Variants in ERGIC1 observed in about 807,000 individuals in gnomAD.
ERGIC1 encodes the protein endoplasmic reticulum-golgi intermediate compartment 1.
A neutral mutation model predicts 38.3 loss-of-function variants in ERGIC1; 19 were observed. That is an observed-to-expected ratio of 0.50 (90% CI 0.35 to 0.73). The LOEUF (loss-of-function observed/expected upper bound fraction) is 0.73. Among genes scored for constraint, ERGIC1 ranks in the 30% least tolerant of loss-of-function variants. The pLI is 0.01. For synonymous variants in ERGIC1, 124 were observed against 157.6 expected, an observed-to-expected ratio of 0.79 and a Z score of 1.60; for missense variants, 294 against 389.2, an observed-to-expected ratio of 0.76 and a Z score of 2.06.
At chr5:172,895,021 A>T (rs900464971) in intron 2 of ERGIC1, among the ~76,000 whole-genome samples, 1 of 152,254 alleles carries the variant, frequency 6.6e-6, no homozygotes, top group Non-Finnish European at 1.5e-5. Context: ...AATAATAGAG[A>T]TAACTGGCTG....
At chr5:172,865,372 A>G (rs771264990) in intron 1 of ERGIC1, among the ~76,000 whole-genome samples, 4 of 152,202 alleles carry the variant, frequency 2.6e-5, no homozygotes, top group South Asian at 4.1e-4. Context: ...AAGAAATTCT[A>G]AAACAGTCTC....
In ERGIC1 at chr5:172,839,224, G is replaced by C. The variant is rs1459296646; in HGVS notation, c.20+4791G>C. ...CCACTGTACTCCAGCCTGGCCAACA[G>C]AGCGAGACTCTGTCTCAAAAAAAAA... On this transcript the variant is annotated intron_variant, in intron 1 of 9. Coordinates refer to ENST00000393784, the MANE Select transcript of ERGIC1 (RefSeq NM_001031711.3). 6.5e-5 allele frequency among the ~76,000 whole-genome samples: 9 copies of C among 138,852 alleles called. No homozygotes were observed. The Admixed American group carries it at 7.0e-4, about 11-fold the overall frequency. 91.1% of individuals were successfully genotyped at this position (138,852 alleles called of 152,430 possible). A position where few individuals can be genotyped will look rare whatever the true frequency, so the allele number is the denominator to read the frequency against.
At chr5:172,936,575 G>A (rs1763890135) in intron 9 of ERGIC1, 1 of 152,296 alleles carries the variant, frequency 6.6e-6, no homozygotes, top group South Asian at 2.1e-4. Context: ...GCAGAACAGT[G>A]GGATGTTGTG....
intron 9 of ERGIC1, 188 bp downstream of exon 9, chr5:172,935,498 G>C: frequency 1.5e-6 from 1 of 654,930 alleles, no homozygotes. Context: ...AAACACATCA[G>C]TATCGATGAC....
At chr5:172,876,613 TG>T (rs1203461101) in intron 1 of ERGIC1, among the ~76,000 whole-genome samples, 1 of 152,198 alleles carries the variant, frequency 6.6e-6, no homozygotes, top group Non-Finnish European at 1.5e-5. Context: ...TTACAATAAA[TG>T]TCACATGTCT....
At chr5:172,884,068 G>A (rs1041966484) in intron 1 of ERGIC1, among the ~76,000 whole-genome samples, 1 of 152,044 alleles carries the variant, frequency 6.6e-6, no homozygotes, top group African/African-American at 2.4e-5. Context: ...GTTTTCTGGG[G>A]GAAGTGCTTT....
chr5:172,928,273 G>A (rs929153756), intron 7 of ERGIC1, among the ~76,000 whole-genome samples: 1 of 152,164 alleles, frequency 6.6e-6, no homozygotes, highest in Admixed American at 6.5e-5. Flanking sequence ...ATCTCAGGCT[G>A]GCTCAAGTGG....
chr5:172,871,364 C>T (rs914820466), intron 1 of ERGIC1, among the ~76,000 whole-genome samples: 5 of 152,200 alleles, frequency 3.3e-5, no homozygotes, highest in African/African-American at 4.8e-5. Flanking sequence ...GCCTGGAATG[C>T]TCTTCCCTGG....
Position 172,906,503 on chromosome 5 carries a change from G to T in ERGIC1, c.156-3164G>T, listed in dbSNP as rs1353386838. ...CACTCTTGTCTCTGGGAATATCCTTGTGGGCCCCACAGAGAAGCCCCAGGT... is the reference window on the plus strand; with the variant it reads ...CACTCTTGTCTCTGGGAATATCCTTTTGGGCCCCACAGAGAAGCCCCAGGT... On this transcript the variant is annotated intron_variant, in intron 3 of 9. Coordinates refer to ENST00000393784, the MANE Select transcript of ERGIC1 (RefSeq NM_001031711.3). 2.6e-5 allele frequency among the ~76,000 whole-genome samples: 4 copies of T among 152,256 alleles called. No individual in the cohort carries two copies. In the East Asian group the frequency reaches 7.7e-4, roughly 29 times the overall value.
chr5:172,840,929 G>A (rs1268555161), intron 1 of ERGIC1, among the ~76,000 whole-genome samples: 3 of 152,152 alleles, frequency 2.0e-5, no homozygotes, highest in South Asian at 4.1e-4. Context: ...CCTCCATGCC[G>A]CACTGGCTGC....
chr5:172,874,158 A>C (rs1211470802), intron 1 of ERGIC1, among the ~76,000 whole-genome samples: 1 of 151,992 alleles, frequency 6.6e-6, no homozygotes, highest in Non-Finnish European at 1.5e-5. Context: ...GGCTCACTGC[A>C]ACCTCTGCCT....
chr5:172,863,648 T>C (rs1447001024), intron 1 of ERGIC1, among the ~76,000 whole-genome samples: 1 of 152,122 alleles, frequency 6.6e-6, no homozygotes. Flanking sequence ...ATCTCTCAAC[T>C]TCATAGCATT....
rs775909456 is a variant in ERGIC1, at chr5:172,856,919, G to A, written c.20+22486G>A. On this transcript the variant is annotated intron_variant, in intron 1 of 9. Coordinates refer to ENST00000393784, the MANE Select transcript of ERGIC1 (RefSeq NM_001031711.3). ...CGGTTGTGTGAAACGTAATTAAGCCGTGCATACAAAATGCCTGAAGCATAC... is the reference window on the plus strand; with the variant it reads ...CGGTTGTGTGAAACGTAATTAAGCCATGCATACAAAATGCCTGAAGCATAC... Among the ~76,000 whole-genome samples the A allele has an allele frequency of 3.3e-5, 5 of 152,178 alleles. 1 individual carries two copies. Among genetic ancestry groups the A allele is most frequent in the South Asian group, 4.1e-4 (2 of 4,834 alleles).
chr5:172,873,573 C>T (rs1032887732), intron 1 of ERGIC1, among the ~76,000 whole-genome samples: 15 of 152,214 alleles, frequency 9.9e-5, no homozygotes, highest in Non-Finnish European at 1.5e-5. Flanking sequence ...AGGAGAGCAG[C>T]GATGAGTACA....
intron 3 of ERGIC1, among the ~76,000 whole-genome samples, chr5:172,909,167 T>C (rs1214462943): frequency 9.8e-6 from 1 of 102,226 alleles, no homozygotes; most frequent in Admixed American, 1.0e-4. Flanking sequence ...AGCCCTCCCC[T>C]CTTTTTTTTT....
At chr5:172,932,334 C>T (rs915326589) in intron 7 of ERGIC1, 102 bp from the exon 8 acceptor site, 3 of 1,190,658 alleles carry the variant, frequency 2.5e-6, no homozygotes, top group Non-Finnish European at 2.4e-6. Context: ...GAATGAGCCC[C>T]CTGCCGTGCC....
intron 1 of ERGIC1, among the ~76,000 whole-genome samples, chr5:172,872,123 C>A (rs771194967): frequency 1.1e-4 from 17 of 152,124 alleles, no homozygotes; most frequent in Non-Finnish European, 1.9e-4. Flanking sequence ...GACATGTACC[C>A]CAGCTTGGCC....
At chr5:172,909,799 C>T (rs772847071) in intron 4 of ERGIC1, 38 bp downstream of exon 4, 2 of 1,565,798 alleles carry the variant, frequency 1.3e-6, no homozygotes, top group South Asian at 1.1e-5. Flanking sequence ...CAGCAGGACA[C>T]CTCCTTAGGG....
At position 172,897,017 on chromosome 5, in the gene ERGIC1, G is replaced by A; in HGVS notation, c.98G>A (p.Cys33Tyr). ...YTGAIISICC[C>Y]LFILFLFLSE... is the part of the protein sequence containing the mutation. ...TTTCTTCCAGTCTCCATCTGCTGCT[G>A]CCTCTTCATCCTCTTCCTCTTCCTC... is the stretch of plus-strand genomic sequence containing the variant. Residue 33 changes from cysteine (C) to tyrosine (Y), a missense_variant, in exon 3 of 10, where the codon TGC (cysteine) becomes TAC (tyrosine). This residue lies in a region of ERGIC1 where 163 missense variants were observed against 225.8 expected (regional missense o/e 0.72). Coordinates refer to ENST00000393784, the MANE Select transcript of ERGIC1 (RefSeq NM_001031711.3). 1 of 1,614,134 alleles carries A rather than the reference G, an allele frequency of 6.2e-7. No homozygotes were observed. The highest frequency in any genetic ancestry group is 8.5e-7 in the Non-Finnish European group (1 of 1,180,002).
Sources: gnomAD v4.1 joint callset for allele counts (sites outside exome capture counted in the v4.1 genomes callset) on GRCh38, gnomAD v4.1.1 for gene constraint, gnomAD v4.1.1 regional missense constraint, MANE v1.5 for transcripts, NCBI Gene and HGNC (gene_info 2026-07-23, HGNC 2026-07-21) for gene names.